Variants in RNF138 observed in about 807,000 individuals in gnomAD.
The protein encoded by RNF138 is ring finger protein 138.
In RNF138, 12 loss-of-function variants were observed where a neutral mutation model predicts 31.0. The ratio of observed to expected loss-of-function variants is 0.39; its 90% CI spans 0.25 to 0.63. The LOEUF (loss-of-function observed/expected upper bound fraction) is 0.63, where lower values mean the gene tolerates loss of function less well. RNF138 is among the 20% of genes least tolerant of loss of function. The pLI, the probability that RNF138 is intolerant of heterozygous loss-of-function variation, is 0.52. For synonymous variants in RNF138, 105 were observed against 99.5 expected (o/e 1.06, Z -0.33); for missense variants, 192 against 300.1 (o/e 0.64, Z 2.66).
intron 2 of RNF138, among the ~76,000 whole-genome samples, chr18:32,096,552 ATACT>A (rs1315167850): frequency 6.6e-6 from 1 of 152,138 alleles, no homozygotes; most frequent in Non-Finnish European, 1.5e-5. Context: ...GTGTTGGAGA[ATACT>A]TACTTAAATA....
At chr18:32,104,232 C>T (rs775461793) in intron 2 of RNF138, among the ~76,000 whole-genome samples, 3 of 151,582 alleles carry the variant, frequency 2.0e-5, no homozygotes, top group African/African-American at 4.8e-5. Context: ...AGGTTGGTCT[C>T]GAACTCCTGA....
At chr18:32,126,070 CCA>C (rs1245728377) in intron 6 of RNF138, among the ~76,000 whole-genome samples, 1 of 152,066 alleles carries the variant, frequency 6.6e-6, no homozygotes, top group African/African-American at 2.4e-5. Context: ...AGTTATTTAT[CCA>C]TTCAGTTTTT....
At chr18:32,094,780 C>CTA (rs142338609) in intron 2 of RNF138, among the ~76,000 whole-genome samples, 6,123 of 150,418 alleles carry the variant, frequency 0.041, 212 homozygotes, top group East Asian at 0.23. Context: ...TAGCTGCTAA[C>CTA]TATATATATA....
chr18:32,123,115 T>C (rs1598863811), intron 4 of RNF138, among the ~76,000 whole-genome samples: 1 of 152,200 alleles, frequency 6.6e-6, no homozygotes. Flanking sequence ...CCTTATACCA[T>C]GTCCTAGTTT....
At chr18:32,120,464 A>G (rs567439925) in intron 4 of RNF138, among the ~76,000 whole-genome samples, 47 of 152,240 alleles carry the variant, frequency 3.1e-4, no homozygotes, top group Non-Finnish European at 5.4e-4. Flanking sequence ...AGACATAACT[A>G]TGGGAAAATA....
intron 2 of RNF138, among the ~76,000 whole-genome samples, chr18:32,098,091 A>C (rs1245563010): frequency 6.6e-6 from 1 of 151,818 alleles, no homozygotes; most frequent in Non-Finnish European, 1.5e-5. Context: ...GGTTCAAGCG[A>C]TTCTACTCCC....
chr18:32,127,634 C>T (rs866729884), intron 7 of RNF138, among the ~76,000 whole-genome samples: 2 of 152,114 alleles, frequency 1.3e-5, no homozygotes, highest in South Asian at 2.1e-4. Flanking sequence ...AATTTAGGTG[C>T]GCTTTATTGC....
In RNF138 at chr18:32,126,818, GA is replaced by G. The variant is rs1363384846; in HGVS notation, c.669+19del. On this transcript the variant is annotated intron_variant, in intron 7 of 7. Coordinates refer to ENST00000261593, the MANE Select transcript of RNF138 (RefSeq NM_016271.5). ...AATTTGTGGTAAGTGAATTCTTCAA[GA>G]TTAAGAAAGTACTGTTTAAATATTA... 1 of 1,336,336 alleles carries G rather than the reference GA, an allele frequency of 7.5e-7. No individual in the cohort carries two copies. The highest frequency in any genetic ancestry group is 1.4e-5 in the African/African-American group (1 of 69,240). 82.8% of individuals were successfully genotyped at this position (1,336,336 alleles called of 1,614,324 possible). A position where few individuals can be genotyped will look rare whatever the true frequency, so the allele number is the denominator to read the frequency against.
chr18:32,125,537 TA>T (rs1318306315), intron 6 of RNF138, among the ~76,000 whole-genome samples: 5 of 152,292 alleles, frequency 3.3e-5, no homozygotes, highest in African/African-American at 1.2e-4. Context: ...GATATATAAA[TA>T]ATTGTCTTCA....
chr18:32,102,341 A>G (rs1024989022), intron 2 of RNF138, among the ~76,000 whole-genome samples: 2 of 150,518 alleles, frequency 1.3e-5, no homozygotes, highest in African/African-American at 4.9e-5. Flanking sequence ...AGCTGGGACT[A>G]CAGGCGCCCG....
intron 2 of RNF138, among the ~76,000 whole-genome samples, chr18:32,104,646 A>G (rs2039999497): frequency 6.6e-6 from 1 of 152,234 alleles, no homozygotes; most frequent in Non-Finnish European, 1.5e-5. Context: ...TAAAAAATTA[A>G]TAGAAGAAAA....
At chr18:32,105,223 C>T (rs920137720) in intron 2 of RNF138, among the ~76,000 whole-genome samples, 8 of 152,118 alleles carry the variant, frequency 5.3e-5, no homozygotes, top group African/African-American at 1.7e-4. Context: ...TCCTGAGTAG[C>T]TGGGATTACA....
At chr18:32,128,857 C>T (rs2040426341) in intron 7 of RNF138, among the ~76,000 whole-genome samples, 1 of 151,864 alleles carries the variant, frequency 6.6e-6, no homozygotes, top group South Asian at 2.1e-4. Flanking sequence ...CATTATAACA[C>T]TCAAATTTTG....
chr18:32,109,037 C>G (rs2040082444), intron 2 of RNF138, among the ~76,000 whole-genome samples: 1 of 152,146 alleles, frequency 6.6e-6, no homozygotes, highest in Admixed American at 6.6e-5. Context: ...TATTGCCACC[C>G]AGTTTTCCAA....
intron 4 of RNF138, among the ~76,000 whole-genome samples, chr18:32,115,013 G>GTT (rs111887117): frequency 2.6e-5 from 4 of 151,218 alleles, no homozygotes; most frequent in Middle Eastern, 3.4e-3. Flanking sequence ...TGCTCTTATA[G>GTT]TTTTTTTTTA....
At chr18:32,107,116 CTTTTTTTTTTTTTT>C (rs58774714) in intron 2 of RNF138, among the ~76,000 whole-genome samples, 4 of 100,588 alleles carry the variant, frequency 4.0e-5, no homozygotes, top group African/African-American at 1.2e-4. Flanking sequence ...TCCTTTTTTC[CTTTTTTTTTTTTTT>C]TTTTTTTGGA....
At chr18:32,100,028 T>C (rs1463111364) in intron 2 of RNF138, among the ~76,000 whole-genome samples, 1 of 152,196 alleles carries the variant, frequency 6.6e-6, no homozygotes, top group Admixed American at 6.5e-5. Context: ...CTGTCAATTA[T>C]ATCTTTTGGT....
chr18:32,094,633 T>C (rs2039771964), intron 2 of RNF138, among the ~76,000 whole-genome samples: 1 of 152,002 alleles, frequency 6.6e-6, no homozygotes, highest in South Asian at 2.1e-4. Flanking sequence ...TGGAGGTGTC[T>C]AGGGCACAAT....
At chr18:32,116,957 A>G (rs2040227185) in intron 4 of RNF138, among the ~76,000 whole-genome samples, 1 of 152,132 alleles carries the variant, frequency 6.6e-6, no homozygotes, top group South Asian at 2.1e-4. Flanking sequence ...GCTGGAGTGC[A>G]GTGGTGCGAT....
Sources: gnomAD v4.1 joint callset for allele counts (sites outside exome capture counted in the v4.1 genomes callset) on GRCh38, gnomAD v4.1.1 for gene constraint, MANE v1.5 for transcripts, NCBI Gene and HGNC (gene_info 2026-07-23, HGNC 2026-07-21) for gene names.